BFSP1: variants seen among roughly 807,000 people sequenced by gnomAD.
BFSP1 encodes the protein beaded filament structural protein 1.
BFSP1 carries 38 observed loss-of-function variants against 43.9 expected under a neutral mutation model. The observed-to-expected ratio is 0.87, with a 90% CI of 0.67 to 1.14. The LOEUF is 1.14. BFSP1 is among the 50% of genes most tolerant of loss of function. The pLI is 0.00. For missense variants in BFSP1, 850 were observed against 875.1 expected, an observed-to-expected ratio of 0.97 and a Z score of 0.36; for synonymous variants, 352 against 354.8, an observed-to-expected ratio of 0.99 and a Z score of 0.09.
chr20:17,522,467 T>C (rs2034337924), intron 2 of BFSP1, among the ~76,000 whole-genome samples: 1 of 152,246 alleles, frequency 6.6e-6, no homozygotes, highest in African/African-American at 2.4e-5. Flanking sequence ...ACCACCTGCA[T>C]CTTATTCACT....
intron 1 of BFSP1, among the ~76,000 whole-genome samples, chr20:17,544,776 C>T (rs725148): frequency 0.073 from 11,060 of 152,194 alleles, 624 homozygotes; most frequent in East Asian, 0.32. Context: ...ATAGCCAAGA[C>T]ATCATGAAAA....
intron 5 of BFSP1, among the ~76,000 whole-genome samples, chr20:17,506,143 C>A (rs2269046): frequency 0.31 from 46,394 of 152,076 alleles, 7,316 homozygotes; most frequent in Non-Finnish European, 0.34. Flanking sequence ...GCCAAGGAGC[C>A]TGGGCAGCCC....
intron 4 of BFSP1, among the ~76,000 whole-genome samples, chr20:17,509,790 A>G (rs2034031734): frequency 6.6e-6 from 1 of 152,154 alleles, no homozygotes; most frequent in African/African-American, 2.4e-5. Context: ...CTAGAAGGAA[A>G]TCCTCTGACC....
intron 5 of BFSP1, among the ~76,000 whole-genome samples, chr20:17,508,099 C>T (rs1011994496): frequency 3.3e-5 from 5 of 152,164 alleles, no homozygotes; most frequent in African/African-American, 1.2e-4. Context: ...CTCTTGTCCC[C>T]ATGTGTACTT....
Position 17,494,516 on chromosome 20 carries a change from G to T in BFSP1, c.1556C>A (p.Pro519His). 1.2e-6 allele frequency: 2 copies of T among 1,614,176 alleles called. No individual in the cohort carries two copies. Among genetic ancestry groups the T allele is most frequent in the Non-Finnish European group, 1.7e-6 (2 of 1,180,040 alleles). ...QVEPSPESPK[P>H]PLENGQVGLQ... Reference sequence around the variant, plus strand: ...ACCCACCTGCCCATTCTCTAAAGGGGGCTTGGGTGACTCAGGAGAGGGCTC... The same window carrying T: ...ACCCACCTGCCCATTCTCTAAAGGGTGCTTGGGTGACTCAGGAGAGGGCTC... The change falls in exon 8 of 8, where the codon CCC becomes CAC. Residue 519 changes from proline (P) to histidine (H), a missense_variant. Pro to His is a moderately conservative substitution (Grantham distance 77, BLOSUM62 -2). Coordinates refer to ENST00000377873, the MANE Select transcript of BFSP1 (RefSeq NM_001195.5).
intron 5 of BFSP1, among the ~76,000 whole-genome samples, chr20:17,501,189 C>A (rs1400579897): frequency 1.3e-5 from 2 of 152,216 alleles, no homozygotes; most frequent in African/African-American, 4.8e-5. Flanking sequence ...ATGATCATTG[C>A]CATCAAAACC....
intron 5 of BFSP1, among the ~76,000 whole-genome samples, chr20:17,500,719 G>A (rs766059325): frequency 1.3e-5 from 2 of 151,956 alleles, no homozygotes; most frequent in Non-Finnish European, 1.5e-5. Flanking sequence ...TACAGCTCAC[G>A]TTTCCCACAG....
At chr20:17,564,842 G>C (rs1223571711) in intron 1 of BFSP1, among the ~76,000 whole-genome samples, 1 of 152,066 alleles carries the variant, frequency 6.6e-6, no homozygotes, top group East Asian at 1.9e-4. Flanking sequence ...GCCCATCTCA[G>C]CCTCCCAAAG....
At chr20:17,539,591 A>AAAT (rs142837330) in intron 1 of BFSP1, among the ~76,000 whole-genome samples, 3 of 151,750 alleles carry the variant, frequency 2.0e-5, no homozygotes, top group South Asian at 2.1e-4. Flanking sequence ...TATATATAAA[A>AAAT]AATAATAATA....
intron 5 of BFSP1, among the ~76,000 whole-genome samples, chr20:17,502,585 T>G (rs1375271444): frequency 6.6e-6 from 1 of 152,188 alleles, no homozygotes; most frequent in Non-Finnish European, 1.5e-5. Flanking sequence ...CACTGTTAAT[T>G]TCCAGGTTTT....
chr20:17,512,145 G>A (rs898685700), intron 3 of BFSP1, 77 bp from the exon 4 acceptor site: 35 of 1,215,864 alleles, frequency 2.9e-5, no homozygotes, highest in Non-Finnish European at 4.1e-5. Context: ...ATGAGAACAG[G>A]AATGGACACT....
chr20:17,558,716 T>A, exon 1 of BFSP1: 1 of 1,551,940 alleles, frequency 6.4e-7, no homozygotes, highest in Non-Finnish European at 8.7e-7. Context: ...AGGCTCCTTC[T>A]GTGAAATTTG....
upstream of BFSP1, among the ~76,000 whole-genome samples, chr20:17,535,638 A>G (rs568644213): frequency 3.4e-5 from 5 of 145,018 alleles, no homozygotes; most frequent in East Asian, 9.6e-4. Context: ...ATAAACATAA[A>G]TAAGTATGAG....
At chr20:17,559,983 T>C (rs965164774), upstream of BFSP1, among the ~76,000 whole-genome samples, 1 of 152,096 alleles carries the variant, frequency 6.6e-6, no homozygotes, top group African/African-American at 2.4e-5. Flanking sequence ...TTTCAAATCA[T>C]GACCATTGGC....
chr20:17,553,306 G>A (rs2034924901), intron 1 of BFSP1, among the ~76,000 whole-genome samples: 1 of 152,048 alleles, frequency 6.6e-6, no homozygotes, highest in Admixed American at 6.6e-5. Context: ...TGGTGGGGAA[G>A]AAACTATGAG....
intron 6 of BFSP1, 87 bp downstream of exon 6, chr20:17,498,733 C>T: frequency 2.1e-6 from 3 of 1,443,744 alleles, no homozygotes; most frequent in Non-Finnish European, 2.8e-6. Context: ...ATGCCCACTG[C>T]CTATAACTGT....
intron 5 of BFSP1, 50 bp from the exon 6 acceptor site, chr20:17,499,090 G>A: frequency 6.5e-7 from 1 of 1,541,222 alleles, no homozygotes; most frequent in South Asian, 1.1e-5. Context: ...TCTTCTCTAA[G>A]AGACAGACCT....
chr20:17,537,285 A>G (rs567996836), intron 1 of BFSP1, among the ~76,000 whole-genome samples: 13 of 152,264 alleles, frequency 8.5e-5, no homozygotes, highest in Admixed American at 6.5e-4. Flanking sequence ...CCGGATCCCT[A>G]CTATCCCTGC....
rs1006243347 is a variant in BFSP1 at position 17,507,276 on chromosome 20, T to G, written c.735+1613A>C. On this transcript the variant is annotated intron_variant, in intron 5 of 7. Transcript: ENST00000377873. This position sits in a 1 kb window ranked among gnomAD's most constrained non-coding sequence, Gnocchi z 4.4. ...GCCATACACATCAGATAGGTAGGTG[T>G]GTGTGTGTGTGTGTGTGTGTGTGTG... Among the ~76,000 whole-genome samples the G allele has an allele frequency of 7.2e-6, 1 of 138,098 alleles. No individual in the cohort carries two copies. Among genetic ancestry groups the G allele is most frequent in the South Asian group, 2.1e-4 (1 of 4,696 alleles). 90.6% of individuals were successfully genotyped at this position (138,098 alleles called of 152,430 possible). A position where few individuals can be genotyped will look rare whatever the true frequency, so the allele number is the denominator to read the frequency against.
Sources: allele counts gnomAD v4.1 joint callset (sites outside exome capture counted in the v4.1 genomes callset), GRCh38; gene constraint gnomAD v4.1.1; non-coding constraint Gnocchi (gnomAD v3.1); transcripts MANE v1.5; gene names NCBI Gene and HGNC (gene_info 2026-07-23, HGNC 2026-07-21).